RPS6KA6: variants seen among roughly 807,000 people sequenced by gnomAD.
The protein encoded by RPS6KA6 is ribosomal protein S6 kinase alpha-6.
A neutral mutation model predicts 65.4 loss-of-function variants in RPS6KA6; 27 were observed. That is an observed-to-expected ratio of 0.41 (90% CI 0.30 to 0.57). The LOEUF (loss-of-function observed/expected upper bound fraction) is 0.57. Ranked by LOEUF, RPS6KA6 falls within the 20% of genes least tolerant of loss-of-function variation. RPS6KA6 has a pLI of 0.24. For missense variants in RPS6KA6, 486 were observed against 555.6 expected (o/e 0.87, Z 1.26); for synonymous variants, 190 against 184.2 (o/e 1.03, Z -0.26).
chrX:84,179,239 T>C (rs1259096904), intron 1 of RPS6KA6, among the ~76,000 whole-genome samples: 1 of 111,370 alleles, frequency 9.0e-6, no homozygotes, highest in African/African-American at 3.3e-5. Context: ...TTAGAATAGC[T>C]ATTTTTTTTC....
chrX:84,058,578 CTT>C lies in RPS6KA6; in HGVS notation c.*5697_*5698del, dbSNP rs1293847280. On this transcript the variant is annotated 3_prime_UTR_variant, in exon 22 of 22. Coordinates refer to ENST00000262752, the MANE Select transcript of RPS6KA6 (RefSeq NM_014496.5). ...GGATTTGGTCTTACATGATAAAAAA[CTT>C]AGTATAATAAATGAAAATTTTAATG... 2.7e-5 allele frequency: 3 copies of C among 111,567 alleles called. No individual in the cohort carries two copies. The highest frequency in any genetic ancestry group is 9.8e-5 in the African/African-American group (3 of 30,734). 9.2% of individuals were successfully genotyped at this position (111,567 alleles called of 1,213,427 possible).
At chrX:84,089,354 A>G (rs1027889109) in intron 20 of RPS6KA6, among the ~76,000 whole-genome samples, 5 of 112,040 alleles carry the variant, frequency 4.5e-5, no homozygotes, top group African/African-American at 1.6e-4. Flanking sequence ...TGGAATTCCA[A>G]GCCAGTGGGT....
chrX:84,094,880 T>C (rs2034122919), intron 20 of RPS6KA6, among the ~76,000 whole-genome samples: 1 of 111,639 alleles, frequency 9.0e-6, no homozygotes. Context: ...AAAATGTATT[T>C]TCTGAAGCAT....
chrX:84,094,505 C>A (rs1301642269), intron 20 of RPS6KA6, among the ~76,000 whole-genome samples: 2 of 108,213 alleles, frequency 1.8e-5, no homozygotes, highest in Non-Finnish European at 3.8e-5. Flanking sequence ...ATTAGCCAGG[C>A]GTGGTGGCGG....
intron 3 of RPS6KA6, among the ~76,000 whole-genome samples, chrX:84,151,044 T>TAG (rs1239669588): frequency 4.4e-5 from 4 of 91,312 alleles, no homozygotes; most frequent in Admixed American, 2.6e-4. Flanking sequence ...AGGATATATA[T>TAG]ATAGAGGATA....
intron 2 of RPS6KA6, among the ~76,000 whole-genome samples, chrX:84,162,900 A>C (rs1205777305): frequency 8.9e-6 from 1 of 112,282 alleles, no homozygotes; most frequent in Non-Finnish European, 1.9e-5. Context: ...TATATTATTA[A>C]TATTCAGTAA....
Position 84,102,079 on chromosome X carries a change from A to T in RPS6KA6, c.1734T>A (p.Leu578=), listed in dbSNP as rs1266307501. The T allele has an allele frequency of 3.3e-6, 4 of 1,200,466 alleles. No homozygotes were observed. The highest frequency in any genetic ancestry group is 4.5e-6 in the Non-Finnish European group (4 of 890,002). ...FAKQLRGENG[L]LLTPCYTANF... is the part of the protein sequence containing the mutation. ...TTGCAGTGTAGCATGGAGTTAAGAG[A>T]AGTCCATTTTCTCCTCGAAGTTGTT... Residue 578 remains leucine (L), a synonymous_variant, in exon 18 of 22, where the codon CTT becomes CTA. Coordinates refer to ENST00000262752, the MANE Select transcript of RPS6KA6 (RefSeq NM_014496.5).
At chrX:84,170,644 A>C (rs1327202488) in intron 1 of RPS6KA6, among the ~76,000 whole-genome samples, 1 of 111,050 alleles carries the variant, frequency 9.0e-6, no homozygotes, top group Non-Finnish European at 1.9e-5. Flanking sequence ...GCAAAAAAAA[A>C]CAAAAAACAA....
At chrX:84,144,480 C>A (rs2035163542) in intron 6 of RPS6KA6, among the ~76,000 whole-genome samples, 2 of 111,067 alleles carry the variant, frequency 1.8e-5, no homozygotes, top group African/African-American at 3.3e-5. Flanking sequence ...TGGGATACCA[C>A]TAAAAACTAA....
intron 9 of RPS6KA6, among the ~76,000 whole-genome samples, 191 bp from the exon 10 acceptor site, chrX:84,117,645 A>C (rs186308816): frequency 6.1e-4 from 68 of 110,883 alleles, no homozygotes; most frequent in East Asian, 2.8e-3. Context: ...CTCTCTCTCT[A>C]TATATATAGC....
rs952109981 is a variant in RPS6KA6 at position 84,072,445 on chromosome X, T to C, written c.1972-7334A>G. ...ACGTATGACAAACCCACAACTAATA[T>C]CATACTGAATAGGGGAAGGTTGAAA... On this transcript the variant is annotated intron_variant, in intron 20 of 21. Transcript: ENST00000262752. Among the ~76,000 whole-genome samples, 8 of 111,698 alleles carry C rather than the reference T, an allele frequency of 7.2e-5. No individual in the cohort carries two copies. The East Asian group carries it at 2.2e-3, about 31-fold the overall frequency.
At chrX:84,065,224 C>T in intron 20 of RPS6KA6, 113 bp from the exon 21 acceptor site, 1 of 473,453 alleles carries the variant, frequency 2.1e-6, no homozygotes, top group Non-Finnish European at 3.4e-6. Flanking sequence ...ATTTCACCTA[C>T]ATTTATGCAA....
intron 17 of RPS6KA6, among the ~76,000 whole-genome samples, chrX:84,103,413 T>A (rs1382007387): frequency 9.0e-6 from 1 of 111,147 alleles, no homozygotes; most frequent in Non-Finnish European, 1.9e-5. Flanking sequence ...TTCCCCCATG[T>A]GATAAGTTCC....
chrX:84,085,522 A>G (rs2033900511), intron 20 of RPS6KA6, among the ~76,000 whole-genome samples: 1 of 111,975 alleles, frequency 8.9e-6, no homozygotes, highest in African/African-American at 3.3e-5. Context: ...CATCCTGGGG[A>G]TGAAACCAAC....
chrX:84,102,228 C>A, intron 17 of RPS6KA6, 30 bp from the exon 18 acceptor site: 5 of 718,655 alleles, frequency 7.0e-6, no homozygotes, highest in Non-Finnish European at 9.5e-6. Context: ...AGCATTATAT[C>A]TATATAATTA....
intron 20 of RPS6KA6, among the ~76,000 whole-genome samples, chrX:84,093,466 C>G (rs745897519): frequency 4.5e-5 from 5 of 111,932 alleles, no homozygotes; most frequent in Non-Finnish European, 7.5e-5. Context: ...GAACTAAAGT[C>G]ACCCGATCCA....
At chrX:84,181,705 C>CT (rs1254879580) in intron 1 of RPS6KA6, among the ~76,000 whole-genome samples, 1 of 110,831 alleles carries the variant, frequency 9.0e-6, no homozygotes, top group Non-Finnish European at 1.9e-5. Flanking sequence ...GAGTGGAACA[C>CT]TGGCATGGAT....
rs765928649 is a variant in RPS6KA6 at position 84,061,472 on chromosome X, A to G, written c.*2805T>C. The G allele has an allele frequency of 1.8e-5, 2 of 111,116 alleles. No individual in the cohort carries two copies. Among genetic ancestry groups the G allele is most frequent in the Non-Finnish European group, 3.8e-5 (2 of 52,740 alleles). The allele number at this position is 111,116 out of a possible 1,213,427, so 9.2% of individuals were successfully genotyped here. ...TGTTTTAGACATTGCTGAGTCTAAC[A>G]AAATAGGCTGAAGTTTGATCTTTGT... On this transcript the variant is annotated 3_prime_UTR_variant, in exon 22 of 22. Transcript: ENST00000262752.
At chrX:84,127,156 G>A (rs751576577) in intron 8 of RPS6KA6, among the ~76,000 whole-genome samples, 5 of 110,892 alleles carry the variant, frequency 4.5e-5, no homozygotes, top group South Asian at 3.8e-4. Flanking sequence ...GAAATATTAC[G>A]ACTGATACCA....
Sources: gnomAD v4.1 joint callset for allele counts (sites outside exome capture counted in the v4.1 genomes callset) on GRCh38, gnomAD v4.1.1 for gene constraint, MANE v1.5 for transcripts, NCBI Gene and HGNC (gene_info 2026-07-23, HGNC 2026-07-21) for gene names.